The following CDKAL1 variants were observed in gnomAD, a reference collection of about 807,000 sequenced individuals.
CDKAL1 encodes threonylcarbamoyladenosine tRNA methylthiotransferase.
CDKAL1 carries 32 observed loss-of-function variants against 68.2 expected under a neutral mutation model. The observed-to-expected ratio is 0.47, with a 90% CI of 0.35 to 0.63. The LOEUF is 0.63. Ranked by LOEUF, CDKAL1 falls within the 30% of genes least tolerant of loss-of-function variation. CDKAL1 has a pLI of 0.00. For synonymous variants in CDKAL1, 234 were observed against 244.3 expected (o/e 0.96, Z 0.39); for missense variants, 606 against 696.7 (o/e 0.87, Z 1.47).
At chr6:20,842,895 A>G (rs753691470) in intron 8 of CDKAL1, among the ~76,000 whole-genome samples, 6 of 152,246 alleles carry the variant, frequency 3.9e-5, no homozygotes, top group Non-Finnish European at 5.9e-5. Flanking sequence ...CCCCAAGGGA[A>G]CAATTTAACA....
chr6:20,790,103 C>T (rs1775834743), intron 8 of CDKAL1, among the ~76,000 whole-genome samples: 1 of 152,096 alleles, frequency 6.6e-6, no homozygotes, highest in Non-Finnish European at 1.5e-5. Flanking sequence ...GCCGGGACAT[C>T]AATTTGTTAA....
intron 4 of CDKAL1, among the ~76,000 whole-genome samples, chr6:20,645,083 A>G (rs527391768): frequency 6.6e-6 from 1 of 152,266 alleles, no homozygotes; most frequent in African/African-American, 2.4e-5. Context: ...ATGGTATGAA[A>G]AATTTAAAAT....
intron 12 of CDKAL1, among the ~76,000 whole-genome samples, chr6:21,089,706 G>A (rs1045158819): frequency 2.6e-5 from 4 of 152,166 alleles, no homozygotes; most frequent in Non-Finnish European, 5.9e-5. Flanking sequence ...GAAACAAAAA[G>A]GAACACCTTA....
At chr6:21,042,322 A>G (rs1582083158) in intron 11 of CDKAL1, among the ~76,000 whole-genome samples, 1 of 151,824 alleles carries the variant, frequency 6.6e-6, no homozygotes, top group East Asian at 1.9e-4. Flanking sequence ...ACTAACAAAC[A>G]CTGTTTTAGA....
intron 5 of CDKAL1, among the ~76,000 whole-genome samples, chr6:20,686,173 A>G (rs555324523): frequency 3.9e-5 from 6 of 152,122 alleles, no homozygotes; most frequent in African/African-American, 9.6e-5. Flanking sequence ...CTTCCTTCCC[A>G]ATCAATATAC....
chr6:20,756,925 C>CCT lies in CDKAL1; in HGVS notation c.469-1670_469-1669insCT, dbSNP rs1561750830. The stretch of plus-strand genomic sequence containing the variant: ...CTTCCTTCCTTCCTTCCTTCCTTCC[C>CCT]TCCTTCCCTTCCTTCCCTCCTTCCT... On this transcript the variant is annotated intron_variant, in intron 6 of 15. Coordinates refer to ENST00000274695, the MANE Select transcript of CDKAL1 (RefSeq NM_017774.3). 4.5e-3 allele frequency among the ~76,000 whole-genome samples: 463 copies of CCT among 102,602 alleles called. 27 individuals are homozygous for CCT. Among genetic ancestry groups the CCT allele is most frequent in the East Asian group, 0.022 (59 of 2,676 alleles). The allele number at this position is 102,602 out of a possible 152,430, so 67.3% of individuals were successfully genotyped here.
intron 5 of CDKAL1, among the ~76,000 whole-genome samples, chr6:20,707,845 A>G (rs745912856): frequency 1.1e-4 from 17 of 152,206 alleles, no homozygotes; most frequent in Admixed American, 5.2e-4. Flanking sequence ...TTCCTGCCAA[A>G]ATCTTTAAAA....
chr6:20,716,819 C>A (rs1772119026), intron 5 of CDKAL1, among the ~76,000 whole-genome samples: 1 of 150,918 alleles, frequency 6.6e-6, no homozygotes, highest in Non-Finnish European at 1.5e-5. Context: ...GAATCATGTG[C>A]TGTAGATGGT....
chr6:20,756,895 CCTTCCTTCCTT>C (rs1407219967), intron 6 of CDKAL1: 4 of 101,332 alleles, frequency 3.9e-5, no homozygotes, highest in Non-Finnish European at 6.4e-5. Context: ...TTCCTTCCTT[CCTTCCTTCCTT>C]CCTTCCTTCC....
At chr6:20,908,990 A>C (rs1207764634) in intron 9 of CDKAL1, among the ~76,000 whole-genome samples, 1 of 152,180 alleles carries the variant, frequency 6.6e-6, no homozygotes, top group African/African-American at 2.4e-5. Flanking sequence ...GATCTGTTTC[A>C]ATGCATTTTT....
chr6:21,011,623 T>C (rs1247614310), intron 11 of CDKAL1, among the ~76,000 whole-genome samples: 2 of 152,202 alleles, frequency 1.3e-5, no homozygotes, highest in Non-Finnish European at 2.9e-5. Flanking sequence ...GGTAGATGTT[T>C]ATAAGCCAGA....
intron 11 of CDKAL1, among the ~76,000 whole-genome samples, chr6:21,017,587 T>C (rs867088646): frequency 6.6e-6 from 1 of 152,226 alleles, no homozygotes; most frequent in African/African-American, 2.4e-5. Context: ...ATGTGCACCA[T>C]ATAGTTTAAG....
chr6:20,571,559 G>A (rs1459077789), intron 4 of CDKAL1, among the ~76,000 whole-genome samples: 2 of 151,902 alleles, frequency 1.3e-5, no homozygotes, highest in Admixed American at 6.6e-5. Context: ...ATTTTGGGGG[G>A]AAAAGTACCC....
intron 4 of CDKAL1, among the ~76,000 whole-genome samples, chr6:20,645,365 C>T (rs1768392931): frequency 6.6e-6 from 1 of 152,136 alleles, no homozygotes; most frequent in Admixed American, 6.5e-5. Flanking sequence ...CTTGTAATAA[C>T]ACTTAAAACA....
At position 20,913,116 on chromosome 6, in the gene CDKAL1, T is replaced by TACACACACACACAC. The variant is rs70990080; in HGVS notation, c.743-42273_743-42260dup. 1.9e-3 allele frequency among the ~76,000 whole-genome samples: 264 copies of TACACACACACACAC among 136,524 alleles called. 1 individual carries two copies. Among genetic ancestry groups the TACACACACACACAC allele is most frequent in the African/African-American group, 4.0e-3 (140 of 35,234 alleles). 89.6% of individuals were successfully genotyped at this position (136,524 alleles called of 152,430 possible). The stretch of plus-strand genomic sequence containing the variant: ...ATAGAACCATTGAACCACAGTTGTT[T>TACACACACACACAC]ACACACACACACACACACACACACA... On this transcript the variant is annotated intron_variant, in intron 9 of 15. Coordinates refer to ENST00000274695, the MANE Select transcript of CDKAL1 (RefSeq NM_017774.3).
In CDKAL1 at chr6:20,738,080, G is replaced by A. The variant is rs552765624; in HGVS notation, c.372-1439G>A. Among the ~76,000 whole-genome samples the A allele has an allele frequency of 2.0e-5, 3 of 152,288 alleles. No homozygotes were observed. The East Asian group carries it at 5.8e-4, about 29-fold the overall frequency. On this transcript the variant is annotated intron_variant, in intron 5 of 15. Coordinates refer to ENST00000274695, the MANE Select transcript of CDKAL1 (RefSeq NM_017774.3). ...ATGTCACACCGACAGAAACTCAGCT[G>A]CTAATACCCTTACCTTTCTCAGTTG...
intron 9 of CDKAL1, among the ~76,000 whole-genome samples, chr6:20,940,254 C>T (rs915233943): frequency 1.3e-5 from 2 of 152,092 alleles, no homozygotes; most frequent in Admixed American, 1.3e-4. Context: ...TTATATCTAT[C>T]AATCATATCA....
intron 5 of CDKAL1, among the ~76,000 whole-genome samples, chr6:20,674,798 CAT>C (rs1770013266): frequency 6.6e-6 from 1 of 152,190 alleles, no homozygotes; most frequent in Non-Finnish European, 1.5e-5. Flanking sequence ...AGCTCTCACA[CAT>C]GAGTGAGAAG....
chr6:20,813,738 C>A (rs961355032), intron 8 of CDKAL1, among the ~76,000 whole-genome samples: 1 of 152,140 alleles, frequency 6.6e-6, no homozygotes, highest in Non-Finnish European at 1.5e-5. Flanking sequence ...TGTCGATACT[C>A]AACTGACTCT....
Sources: gnomAD v4.1 joint callset for allele counts (sites outside exome capture counted in the v4.1 genomes callset) on GRCh38, gnomAD v4.1.1 for gene constraint, MANE v1.5 for transcripts, NCBI Gene and HGNC (gene_info 2026-07-23, HGNC 2026-07-21) for gene names.